OPHN1: variants seen among roughly 807,000 people sequenced by gnomAD.
OPHN1 encodes the protein oligophrenin 1, also known as oligophrenin-1.
In OPHN1, 11 loss-of-function variants were observed where a neutral mutation model predicts 60.7. The ratio of observed to expected loss-of-function variants is 0.18; its 90% CI spans 0.11 to 0.30. The LOEUF (loss-of-function observed/expected upper bound fraction) is 0.30, where lower values mean the gene tolerates loss of function less well. Ranked by LOEUF, OPHN1 falls within the 10% of genes least tolerant of loss-of-function variation. The pLI is 1.00. For synonymous variants in OPHN1, 226 were observed against 222.6 expected (o/e 1.02, Z -0.14); for missense variants, 449 against 611.0 (o/e 0.73, Z 2.80).
intron 2 of OPHN1, among the ~76,000 whole-genome samples, chrX:68,393,958 C>A (rs1029323226): frequency 1.2e-5 from 1 of 81,162 alleles, no homozygotes; most frequent in Non-Finnish European, 2.3e-5. Flanking sequence ...TGCAGTGGCG[C>A]GATCTCGGCT....
intron 8 of OPHN1, among the ~76,000 whole-genome samples, chrX:68,211,321 G>A (rs1264836686): frequency 1.8e-5 from 2 of 112,097 alleles, no homozygotes; most frequent in African/African-American, 6.5e-5. Flanking sequence ...TGCCTTCTCT[G>A]ACTCTACCAG....
At chrX:68,129,710 T>C (rs750201479) in intron 15 of OPHN1, among the ~76,000 whole-genome samples, 7 of 111,761 alleles carry the variant, frequency 6.3e-5, no homozygotes, top group Non-Finnish European at 1.3e-4. Flanking sequence ...TGTCAGAGTG[T>C]CTCAATTAAT....
In OPHN1 at chrX:68,042,444, G is replaced by A. The variant is rs990707874; in HGVS notation, c.*4728C>T. The A allele has an allele frequency of 1.2e-4, 13 of 111,327 alleles. No individual in the cohort carries two copies. Among genetic ancestry groups the A allele is most frequent in the East Asian group, 2.9e-4 (1 of 3,506 alleles). 9.2% of individuals were successfully genotyped at this position (111,327 alleles called of 1,213,427 possible). ...GATATAGCATATGTCTTTCACACAG[G>A]CAATCTTTCTAGCCCTCTACTAATG... On this transcript the variant is annotated 3_prime_UTR_variant, in exon 25 of 25. Coordinates refer to ENST00000355520, the MANE Select transcript of OPHN1 (RefSeq NM_002547.3).
chrX:68,417,575 T>A (rs2078805646), intron 2 of OPHN1, among the ~76,000 whole-genome samples: 1 of 112,568 alleles, frequency 8.9e-6, no homozygotes, highest in South Asian at 3.7e-4. Context: ...TTATCACCAT[T>A]AAAAAACAAA....
At chrX:68,132,777 T>C (rs112595540) in intron 15 of OPHN1, 1,737 of 133,217 alleles carry the variant, frequency 0.013, 53 homozygotes, top group African/African-American at 0.062. Context: ...AAAGAAACAA[T>C]AGGGCTTGGC....
chrX:68,352,901 C>T (rs2078420028), intron 2 of OPHN1, among the ~76,000 whole-genome samples: 1 of 111,831 alleles, frequency 8.9e-6, no homozygotes, highest in African/African-American at 3.2e-5. Context: ...GCCTGTAATC[C>T]TAACACTATG....
At chrX:68,278,595 A>G (rs1223231106) in intron 4 of OPHN1, among the ~76,000 whole-genome samples, 1 of 113,582 alleles carries the variant, frequency 8.8e-6, no homozygotes, top group Non-Finnish European at 1.9e-5. Flanking sequence ...ATATCAAAAG[A>G]GAGCACTGGG....
intron 2 of OPHN1, among the ~76,000 whole-genome samples, chrX:68,388,502 G>A: frequency 9.1e-6 from 1 of 109,629 alleles, no homozygotes; most frequent in Non-Finnish European, 1.9e-5. Flanking sequence ...CTTTTAGACA[G>A]TAGGGAGTCA....
intron 20 of OPHN1, among the ~76,000 whole-genome samples, chrX:68,070,080 T>C (rs957813971): frequency 5.4e-5 from 6 of 111,670 alleles, no homozygotes; most frequent in Non-Finnish European, 5.6e-5. Context: ...ATTTTTTTCA[T>C]GGTTTCAATG....
At position 68,064,068 on chromosome X, in the gene OPHN1, A is replaced by C; in HGVS notation, c.1944T>G (p.Pro648=). ...LPIQRSGETD[P]GRKSPSRPIL... Reference sequence around the variant, plus strand: ...TAGGCCTGCTTGGGGACTTCCTCCCAGGATCAGTTTCCCCACTCCTCTGAA... The same window carrying C: ...TAGGCCTGCTTGGGGACTTCCTCCCCGGATCAGTTTCCCCACTCCTCTGAA... Residue 648 remains proline (P), a synonymous_variant, in exon 21 of 25, where the codon CCT becomes CCG. Coordinates refer to ENST00000355520, the MANE Select transcript of OPHN1 (RefSeq NM_002547.3). 1 of 1,210,714 alleles carries C rather than the reference A, an allele frequency of 8.3e-7. No individual in the cohort carries two copies. Among genetic ancestry groups the C allele is most frequent in the Non-Finnish European group, 1.1e-6 (1 of 895,149 alleles).
At chrX:68,223,647 C>A (rs1000169874) in intron 6 of OPHN1, among the ~76,000 whole-genome samples, 2 of 111,169 alleles carry the variant, frequency 1.8e-5, no homozygotes, top group Non-Finnish European at 1.9e-5. Context: ...CACCACTATA[C>A]AATTCATCCA....
chrX:68,432,527 C>T (rs926896820), intron 2 of OPHN1, among the ~76,000 whole-genome samples: 1 of 111,511 alleles, frequency 9.0e-6, no homozygotes, highest in African/African-American at 3.3e-5. Flanking sequence ...GTCACTTTGC[C>T]CCAGACAGGG....
At chrX:68,138,574 G>A (rs752090868) in intron 15 of OPHN1, among the ~76,000 whole-genome samples, 12 of 111,998 alleles carry the variant, frequency 1.1e-4, no homozygotes, top group African/African-American at 2.3e-4. Context: ...GAACCCTGGC[G>A]TAGAACAATA....
chrX:68,282,182 A>T (rs2078022187), intron 4 of OPHN1, among the ~76,000 whole-genome samples: 1 of 112,340 alleles, frequency 8.9e-6, no homozygotes, highest in Non-Finnish European at 1.9e-5. Flanking sequence ...GATGTCCCTC[A>T]GTAGGTGAGT....
At chrX:68,084,061 C>A (rs139412984) in intron 19 of OPHN1, among the ~76,000 whole-genome samples, 8 of 110,419 alleles carry the variant, frequency 7.2e-5, no homozygotes, top group Admixed American at 6.8e-4. Context: ...AAGAAGTGAG[C>A]CCATGCTGTT....
chrX:68,136,390 G>A (rs748745783), intron 15 of OPHN1, among the ~76,000 whole-genome samples: 12 of 96,808 alleles, frequency 1.2e-4, no homozygotes, highest in South Asian at 5.0e-4. Flanking sequence ...TGCAAGCTCC[G>A]CCTCCCAAGT....
chrX:68,121,957 A>C (rs1235932113), intron 15 of OPHN1, among the ~76,000 whole-genome samples: 1 of 109,079 alleles, frequency 9.2e-6, no homozygotes, highest in Non-Finnish European at 1.9e-5. Context: ...GGAAGAACCC[A>C]GTCCTGGCAG....
intron 19 of OPHN1, among the ~76,000 whole-genome samples, chrX:68,089,987 T>C (rs1033178534): frequency 1.8e-5 from 2 of 112,229 alleles, no homozygotes; most frequent in Non-Finnish European, 1.9e-5. Context: ...TTGATCTTAA[T>C]ATTCAAACTT....
In OPHN1 at chrX:68,337,554, G is replaced by A. The variant is rs184391845; in HGVS notation, c.155-38458C>T. 1.4e-4 allele frequency among the ~76,000 whole-genome samples: 16 copies of A among 110,575 alleles called. 1 individual carries two copies. Among genetic ancestry groups the A allele is most frequent in the Admixed American group, 1.2e-3 (12 of 10,213 alleles). ...TTTTTTTTCTAAAGACAAGGTCTAC[G>A]TTGCCCAGGCAGGCCTCAAAATATT... On this transcript the variant is annotated intron_variant, in intron 2 of 24. Transcript: ENST00000355520.
Sources: allele counts gnomAD v4.1 joint callset (sites outside exome capture counted in the v4.1 genomes callset), GRCh38; gene constraint gnomAD v4.1.1; transcripts MANE v1.5; gene names NCBI Gene and HGNC (gene_info 2026-07-23, HGNC 2026-07-21).